The following CDC14A variants were observed in gnomAD, a reference collection of about 807,000 sequenced individuals.
The protein encoded by CDC14A is cell division cycle 14A, also known as dual specificity protein phosphatase CDC14A.
CDC14A carries 53 observed loss-of-function variants against 74.4 expected under a neutral mutation model. The observed-to-expected ratio is 0.71, with a 90% CI of 0.57 to 0.89. The LOEUF is 0.89. Ranked by LOEUF, CDC14A falls within the 40% of genes least tolerant of loss-of-function variation. The pLI, the probability that CDC14A is intolerant of heterozygous loss-of-function variation, is 0.00. For missense variants in CDC14A, 646 were observed against 713.7 expected (o/e 0.91, Z 1.08); for synonymous variants, 247 against 258.4 (o/e 0.96, Z 0.43).
chr1:100,453,709 G>A (rs558070883), intron 7 of CDC14A, among the ~76,000 whole-genome samples: 3 of 152,168 alleles, frequency 2.0e-5, no homozygotes, highest in South Asian at 4.2e-4. Flanking sequence ...GTGCAAACTC[G>A]GCTCACTGCA....
At position 100,418,183 on chromosome 1, in the gene CDC14A, A is replaced by G. The variant is rs538131725; in HGVS notation, c.310-6039A>G. ...CCTAGAAGAGTGCCTGGCACATGGT[A>G]TATACTGTTAACTTTTTGTTTTTAT... On this transcript the variant is annotated intron_variant, in intron 4 of 15. Coordinates refer to ENST00000336454, the MANE Select transcript of CDC14A (RefSeq NM_003672.4). Among the ~76,000 whole-genome samples the G allele has an allele frequency of 3.5e-5, 5 of 144,038 alleles. No individual in the cohort carries two copies. The East Asian group carries it at 8.3e-4, about 24-fold the overall frequency. The allele number at this position is 144,038 out of a possible 152,430, so 94.5% of individuals were successfully genotyped here.
chr1:100,375,719 C>T (rs1655138099), intron 2 of CDC14A, among the ~76,000 whole-genome samples: 2 of 152,300 alleles, frequency 1.3e-5, no homozygotes, highest in South Asian at 2.1e-4. Flanking sequence ...ACTAGTTCAA[C>T]CATTGTGGAA....
At chr1:100,484,143 C>T (rs544745800) in intron 10 of CDC14A, 149 bp from the exon 11 acceptor site, 2 of 468,080 alleles carry the variant, frequency 4.3e-6, no homozygotes, top group Non-Finnish European at 3.7e-6. Flanking sequence ...GTTCTTTATT[C>T]TAAGATATCA....
Position 100,520,072 on chromosome 1 carries a change from A to T in CDC14A, c.*1792A>T, listed in dbSNP as rs1021803424. 6.6e-6 allele frequency: 1 copy of T among 152,532 alleles called. No homozygotes were observed. The highest frequency in any genetic ancestry group is 6.5e-5 in the Admixed American group (1 of 15,276). The allele number at this position is 152,532 out of a possible 1,614,324, so 9.4% of individuals were successfully genotyped here. A position where few individuals can be genotyped will look rare whatever the true frequency, so the allele number is the denominator to read the frequency against. The stretch of plus-strand genomic sequence containing the variant: ...ATGTACATGTATATGTCTAAAAATT[A>T]CTTTACACATGTGCCTACATAGACA... On this transcript the variant is annotated 3_prime_UTR_variant, in exon 16 of 16. Transcript: ENST00000336454.
chr1:100,457,626 GT>G (rs869054325), intron 8 of CDC14A, among the ~76,000 whole-genome samples: 327 of 140,660 alleles, frequency 2.3e-3, no homozygotes, highest in Non-Finnish European at 3.4e-3. Flanking sequence ...CACCTGGCTG[GT>G]TTTTTTTTTT....
intron 2 of CDC14A, among the ~76,000 whole-genome samples, chr1:100,377,036 G>A (rs1213550823): frequency 7.2e-6 from 1 of 138,260 alleles, no homozygotes; most frequent in Non-Finnish European, 1.6e-5. Flanking sequence ...AATTAGTTCT[G>A]TTTTTTTTTT....
At chr1:100,428,687 CA>C (rs1037938053) in intron 5 of CDC14A, among the ~76,000 whole-genome samples, 6 of 152,108 alleles carry the variant, frequency 3.9e-5, no homozygotes, top group Non-Finnish European at 4.4e-5. Context: ...CAGTGGTTTT[CA>C]AATCTACATT....
At chr1:100,400,195 A>T (rs1377724990) in intron 4 of CDC14A, among the ~76,000 whole-genome samples, 26 of 152,100 alleles carry the variant, frequency 1.7e-4, no homozygotes, top group African/African-American at 2.4e-5. Flanking sequence ...CAGACAATTA[A>T]CTGTGATTTT....
intron 13 of CDC14A, among the ~76,000 whole-genome samples, chr1:100,497,846 C>T: frequency 6.6e-6 from 1 of 152,108 alleles, no homozygotes; most frequent in East Asian, 1.9e-4. Context: ...GTAAGGACAG[C>T]AATATTAGCT....
intron 4 of CDC14A, chr1:100,393,974 T>TAC: frequency 3.6e-6 from 1 of 280,204 alleles, no homozygotes; most frequent in Middle Eastern, 1.3e-3. Context: ...TATATATATA[T>TAC]ATAGCAGTGC....
In CDC14A at chr1:100,355,623, C is replaced by T. The variant is rs1050194664; in HGVS notation, c.140+1771C>T. On this transcript the variant is annotated intron_variant, in intron 2 of 15. Coordinates refer to ENST00000336454, the MANE Select transcript of CDC14A (RefSeq NM_003672.4). ...TGAGTTGGGATTGACATTTGAAATA[C>T]GATGAGGACTTCAGCCTGGGCAGAG... 2.0e-5 allele frequency among the ~76,000 whole-genome samples: 3 copies of T among 152,272 alleles called. No individual in the cohort carries two copies. The South Asian group carries it at 6.2e-4, about 32-fold the overall frequency.
At chr1:100,368,848 G>C (rs1436748652) in intron 2 of CDC14A, among the ~76,000 whole-genome samples, 1 of 152,052 alleles carries the variant, frequency 6.6e-6, no homozygotes, top group Non-Finnish European at 1.5e-5. Context: ...GCGGTATTTG[G>C]TTTTCTATTC....
At chr1:100,412,723 T>TATATATATATATATATATATA (rs1491148182) in intron 4 of CDC14A, among the ~76,000 whole-genome samples, 7 of 83,714 alleles carry the variant, frequency 8.4e-5, no homozygotes, top group African/African-American at 5.0e-4. Flanking sequence ...TATATATATA[T>TATATATATATATATATATATA]TTTATATATA....
intron 13 of CDC14A, 40 bp downstream of exon 13, chr1:100,496,089 A>G (rs1176568776): frequency 6.5e-7 from 1 of 1,534,934 alleles, no homozygotes; most frequent in Admixed American, 1.7e-5. Flanking sequence ...GCTTGTAAAT[A>G]TATGCTTCCT....
intron 15 of CDC14A, among the ~76,000 whole-genome samples, chr1:100,507,308 C>A (rs537937525): frequency 6.6e-6 from 1 of 152,256 alleles, no homozygotes; most frequent in South Asian, 2.1e-4. Flanking sequence ...AGAATAAGAC[C>A]AAATATTATA....
intron 10 of CDC14A, among the ~76,000 whole-genome samples, chr1:100,471,168 A>G (rs1668362362): frequency 6.6e-6 from 1 of 152,192 alleles, no homozygotes; most frequent in South Asian, 2.1e-4. Context: ...AAAAAGCCAG[A>G]CACAAAATAA....
Position 100,412,702 on chromosome 1 carries a change from A to ATATATATATATATATATATATTT in CDC14A, c.310-11506_310-11484dup, listed in dbSNP as rs1557731713. On this transcript the variant is annotated intron_variant, in intron 4 of 15. Transcript: ENST00000336454. The stretch of plus-strand genomic sequence containing the variant: ...GGTGAACTTCCTGTATGTTTTATAT[A>ATATATATATATATATATATATTT]TATATATATATATATATATATTTTA... 1.7e-3 allele frequency among the ~76,000 whole-genome samples: 165 copies of ATATATATATATATATATATATTT among 96,104 alleles called. 1 individual carries two copies. Among genetic ancestry groups the ATATATATATATATATATATATTT allele is most frequent in the Non-Finnish European group, 2.4e-3 (137 of 56,504 alleles). 63.0% of individuals were successfully genotyped at this position (96,104 alleles called of 152,430 possible).
chr1:100,409,586 A>T (rs1414321014), intron 4 of CDC14A, among the ~76,000 whole-genome samples: 4 of 152,254 alleles, frequency 2.6e-5, no homozygotes, highest in Admixed American at 6.5e-5. Flanking sequence ...AAGTGGAATA[A>T]ATTTGCCAAA....
Position 100,413,233 on chromosome 1 carries a change from C to T in CDC14A, c.310-10989C>T, listed in dbSNP as rs549754868. On this transcript the variant is annotated intron_variant, in intron 4 of 15. Coordinates refer to ENST00000336454, the MANE Select transcript of CDC14A (RefSeq NM_003672.4). ...TCTTGTTTCTCCTGCTTTCTCTAAG[C>T]AACAACTCTTGTAAATACTGGAAGA... Among the ~76,000 whole-genome samples, 14 of 152,254 alleles carry T rather than the reference C, an allele frequency of 9.2e-5. No individual in the cohort carries two copies. The South Asian group carries it at 2.9e-3, about 32-fold the overall frequency.
Sources: gnomAD v4.1 joint callset for allele counts (sites outside exome capture counted in the v4.1 genomes callset) on GRCh38, gnomAD v4.1.1 for gene constraint, MANE v1.5 for transcripts, NCBI Gene and HGNC (gene_info 2026-07-23, HGNC 2026-07-21) for gene names.